STUM: variants seen among roughly 807,000 people sequenced by gnomAD.
STUM encodes the protein stum, mechanosensory transduction mediator homolog.
A neutral mutation model predicts 15.3 loss-of-function variants in STUM; 8 were observed. That is an observed-to-expected ratio of 0.52 (90% CI 0.31 to 0.94). The LOEUF (loss-of-function observed/expected upper bound fraction) is 0.94. Among genes scored for constraint, STUM ranks in the 40% least tolerant of loss-of-function variants. STUM has a pLI of 0.05. For synonymous variants in STUM, 78 were observed against 88.7 expected (o/e 0.88, Z 0.68); for missense variants, 142 against 204.9 (o/e 0.69, Z 1.87).
At chr1:226,558,913 G>A (rs1245451069) in intron 1 of STUM, among the ~76,000 whole-genome samples, 3 of 152,200 alleles carry the variant, frequency 2.0e-5, no homozygotes, top group African/African-American at 7.2e-5. Flanking sequence ...GAACTTCCCA[G>A]TGAGAACTGG....
intron 1 of STUM, among the ~76,000 whole-genome samples, chr1:226,577,185 T>C (rs6691873): frequency 0.097 from 14,692 of 152,226 alleles, 920 homozygotes; most frequent in South Asian, 0.22. Context: ...AGCATTGGTG[T>C]TGGTCTTCTT....
intron 1 of STUM, among the ~76,000 whole-genome samples, chr1:226,562,461 C>A (rs1381433843): frequency 6.3e-5 from 9 of 142,044 alleles, no homozygotes; most frequent in Non-Finnish European, 1.2e-4. Context: ...GGCGACAGAG[C>A]AAGACTCCTT....
Position 226,601,996 on chromosome 1 carries a change from T to A in STUM, c.392-10T>A. 1 of 1,610,092 alleles carries A rather than the reference T, an allele frequency of 6.2e-7. No individual in the cohort carries two copies. On this transcript the variant is annotated splice_polypyrimidine_tract_variant and intron_variant, in intron 3 of 3. Coordinates refer to ENST00000366788, the MANE Select transcript of STUM (RefSeq NM_001003665.4). ...TGTCTAACCATCTCTCCTTTGCTTC[T>A]TCCTCACAGGCTACAAGGAGCAGGG... is the stretch of plus-strand genomic sequence containing the variant.
intron 1 of STUM, among the ~76,000 whole-genome samples, chr1:226,554,018 C>T (rs1040502131): frequency 2.6e-5 from 4 of 152,174 alleles, no homozygotes; most frequent in African/African-American, 9.7e-5. Flanking sequence ...TATGGCTTGC[C>T]TGCCCTTGTA....
chr1:226,549,116 G>T lies in STUM; in HGVS notation c.202+10G>T. ...TTCGTGCCGGGACTGGGTAAGACAC[G>T]GCTGCCGCGACCCTTGCGACCCCCA... On this transcript the variant is annotated intron_variant, in intron 1 of 3. Transcript: ENST00000366788. The surrounding 1 kb of genome is among the most constrained non-coding windows in gnomAD (Gnocchi z 6.8). 6.4e-7 allele frequency: 1 copy of T among 1,571,030 alleles called. No individual in the cohort carries two copies. Among genetic ancestry groups the T allele is most frequent in the Non-Finnish European group, 8.6e-7 (1 of 1,161,478 alleles).
intron 1 of STUM, among the ~76,000 whole-genome samples, chr1:226,550,751 C>T (rs543851794): frequency 2.0e-5 from 3 of 152,306 alleles, no homozygotes; most frequent in South Asian, 2.1e-4. Flanking sequence ...CAGCTGCCCA[C>T]GCATGTACCT....
At chr1:226,564,462 T>TG (rs1407164766) in intron 1 of STUM, among the ~76,000 whole-genome samples, 2 of 152,068 alleles carry the variant, frequency 1.3e-5, no homozygotes, top group Admixed American at 6.5e-5. Context: ...CCACCAATCA[T>TG]GGGGGGAAAA....
chr1:226,576,733 TC>T (rs1667821740), intron 1 of STUM, among the ~76,000 whole-genome samples: 1 of 151,536 alleles, frequency 6.6e-6, no homozygotes. Context: ...AGCTGCCCAC[TC>T]CCCCCTCCCA....
intron 1 of STUM, among the ~76,000 whole-genome samples, chr1:226,593,305 G>A (rs928376959): frequency 1.3e-5 from 2 of 152,102 alleles, no homozygotes; most frequent in African/African-American, 2.4e-5. Flanking sequence ...CAGGTTGGGG[G>A]CAAACTCTTA....
intron 1 of STUM, among the ~76,000 whole-genome samples, chr1:226,551,000 G>A (rs1441538826): frequency 1.3e-5 from 2 of 151,450 alleles, no homozygotes; most frequent in African/African-American, 4.8e-5. Context: ...GGGAAGATAT[G>A]CAAACCACAA....
intron 1 of STUM, among the ~76,000 whole-genome samples, chr1:226,570,634 G>C (rs1409637562): frequency 6.6e-6 from 1 of 152,214 alleles, no homozygotes; most frequent in Admixed American, 6.5e-5. Context: ...GCATCATGCA[G>C]AGAGCTCTTG....
chr1:226,603,001 T>G lies in STUM; in HGVS notation c.*961T>G, dbSNP rs1380768059. ...CTACCATCAGGCACGTGAATATTTC[T>G]GCAGAGAAACATGTGACTAGTCCCA... On this transcript the variant is annotated 3_prime_UTR_variant, in exon 4 of 4. Coordinates refer to ENST00000366788, the MANE Select transcript of STUM (RefSeq NM_001003665.4). 2 of 152,244 alleles carry G rather than the reference T, an allele frequency of 1.3e-5. No individual in the cohort carries two copies. The highest frequency in any genetic ancestry group is 1.3e-4 in the Admixed American group (2 of 15,288). The allele number at this position is 152,244 out of a possible 1,614,324, so 9.4% of individuals were successfully genotyped here.
At chr1:226,553,182 G>C (rs572387855) in intron 1 of STUM, among the ~76,000 whole-genome samples, 1 of 152,230 alleles carries the variant, frequency 6.6e-6, no homozygotes, top group Admixed American at 6.5e-5. Flanking sequence ...AGCCACCCTG[G>C]GATGAAATTG....
At chr1:226,588,026 T>C (rs979323226) in intron 1 of STUM, among the ~76,000 whole-genome samples, 8 of 152,292 alleles carry the variant, frequency 5.3e-5, no homozygotes, top group South Asian at 2.1e-4. Flanking sequence ...TGCTCCAGGA[T>C]AGAGGCATCG....
chr1:226,602,775 A>G lies in STUM; in HGVS notation c.*735A>G, dbSNP rs1668292118. On this transcript the variant is annotated 3_prime_UTR_variant, in exon 4 of 4. Coordinates refer to ENST00000366788, the MANE Select transcript of STUM (RefSeq NM_001003665.4). ...TGAAACTGCCAGATGTTTATACACA[A>G]AGTTATTAGACTGAAGCAGGAGTGG... 1.3e-5 allele frequency: 2 copies of G among 152,220 alleles called. No individual in the cohort carries two copies. The highest frequency in any genetic ancestry group is 4.8e-5 in the African/African-American group (2 of 41,456). 9.4% of individuals were successfully genotyped at this position (152,220 alleles called of 1,614,324 possible). A position where few individuals can be genotyped will look rare whatever the true frequency, so the allele number is the denominator to read the frequency against.
intron 1 of STUM, among the ~76,000 whole-genome samples, chr1:226,577,499 TCA>T (rs60225649): frequency 0.49 from 73,224 of 150,804 alleles, 18,073 homozygotes; most frequent in Admixed American, 0.59. Flanking sequence ...AAACAGTTTC[TCA>T]CACACACACA....
chr1:226,593,185 C>CAAAA (rs72490675), intron 1 of STUM, among the ~76,000 whole-genome samples: 1 of 125,336 alleles, frequency 8.0e-6, no homozygotes, highest in African/African-American at 3.0e-5. Context: ...GACTCCGTCT[C>CAAAA]AAAAAAAAAA....
chr1:226,602,249 G>A lies in STUM; in HGVS notation c.*209G>A. 7 of 572,994 alleles carry A rather than the reference G, an allele frequency of 1.2e-5. No individual in the cohort carries two copies. In the South Asian group the frequency reaches 1.5e-4, roughly 12 times the overall value. The allele number at this position is 572,994 out of a possible 1,614,324, so 35.5% of individuals were successfully genotyped here. On this transcript the variant is annotated 3_prime_UTR_variant, in exon 4 of 4. Coordinates refer to ENST00000366788, the MANE Select transcript of STUM (RefSeq NM_001003665.4). ...CTGCCAGCCCCTCCTGCTCTGGAAA[G>A]CACTGTGGGCGCAGGCACCAGAGCA...
In STUM at chr1:226,600,617, TTCTC is replaced by T. The variant is rs757481816; in HGVS notation, c.383-42_383-39del. The T allele has an allele frequency of 7.5e-5, 120 of 1,608,192 alleles. 1 individual carries two copies. The Admixed American group carries it at 2.0e-3, about 26-fold the overall frequency. Reference sequence around the variant, plus strand: ...TGTTTTCAGGCTGTGTTTTCTCTTCTTCTCTCTCTCCTCTTCCTCCTGCTGCCTC... The same window carrying T: ...TGTTTTCAGGCTGTGTTTTCTCTTCTTCTCTCCTCTTCCTCCTGCTGCCTC... On this transcript the variant is annotated intron_variant, in intron 2 of 3. Transcript: ENST00000366788. The surrounding 1 kb of genome is among the most constrained non-coding windows in gnomAD (Gnocchi z 5.2).
Sources: allele counts gnomAD v4.1 joint callset (sites outside exome capture counted in the v4.1 genomes callset), GRCh38; gene constraint gnomAD v4.1.1; non-coding constraint Gnocchi (gnomAD v3.1); transcripts MANE v1.5; gene names NCBI Gene and HGNC (gene_info 2026-07-23, HGNC 2026-07-21).